ACO1: variants seen among roughly 807,000 people sequenced by gnomAD.
ACO1 encodes the protein aconitase 1.
Under a neutral mutation model 105.1 loss-of-function variants are expected in ACO1, and 78 were observed. The ratio of observed to expected loss-of-function variants is 0.74; its 90% CI spans 0.62 to 0.90. The LOEUF is 0.90. Ranked by LOEUF, ACO1 falls within the 40% of genes least tolerant of loss-of-function variation. The pLI is 0.00. For synonymous variants in ACO1, 364 were observed against 397.4 expected (o/e 0.92, Z 1.00); for missense variants, 965 against 1,111.1 (o/e 0.87, Z 1.87).
At position 32,407,440 on chromosome 9, in the gene ACO1, T is replaced by A. The variant is rs1791585713; in HGVS notation, c.266+11T>A. 6 of 1,608,004 alleles carry A rather than the reference T, an allele frequency of 3.7e-6. No homozygotes were observed. The highest frequency in any genetic ancestry group is 5.1e-6 in the Non-Finnish European group (6 of 1,175,370). The stretch of plus-strand genomic sequence containing the variant: ...CCTGCAGGACTTTACGTGAGCCTAA[T>A]GTCACTTCACTCTCCTTTGCCTCCC... On this transcript the variant is annotated intron_variant, in intron 3 of 20. Coordinates refer to ENST00000309951, the MANE Select transcript of ACO1 (RefSeq NM_002197.3).
intron 1 of ACO1, among the ~76,000 whole-genome samples, chr9:32,395,940 C>G (rs984163624): frequency 6.6e-6 from 1 of 152,196 alleles, no homozygotes; most frequent in African/African-American, 2.4e-5. Flanking sequence ...TGTTCTGCCC[C>G]CTCTTGGCCA....
Position 32,432,921 on chromosome 9 carries a change from CAT to C in ACO1, c.1852-806_1852-805del, listed in dbSNP as rs560267869. Among the ~76,000 whole-genome samples the C allele has an allele frequency of 1.2e-4, 19 of 152,298 alleles. No homozygotes were observed. The South Asian group carries it at 2.9e-3, about 23-fold the overall frequency. On this transcript the variant is annotated intron_variant, in intron 15 of 20. Transcript: ENST00000309951. Reference sequence around the variant, plus strand: ...GGAGGAGGGTCCACTTAGGCTCACTCATGTGGCTATTGGCAGGATCAAGTTCC... The same window carrying C: ...GGAGGAGGGTCCACTTAGGCTCACTCGTGGCTATTGGCAGGATCAAGTTCC...
At chr9:32,414,617 C>G (rs182255294) in intron 4 of ACO1, among the ~76,000 whole-genome samples, 1 of 152,148 alleles carries the variant, frequency 6.6e-6, no homozygotes, top group Non-Finnish European at 1.5e-5. Context: ...AACATTCCTC[C>G]GTCAATCATC....
intron 4 of ACO1, among the ~76,000 whole-genome samples, chr9:32,413,344 C>CA (rs1821781632): frequency 2.0e-5 from 3 of 151,982 alleles, no homozygotes; most frequent in African/African-American, 7.2e-5. Flanking sequence ...ATTAGCCGGG[C>CA]ATGGTGGTGC....
chr9:32,419,341 G>A (rs1011022898), intron 7 of ACO1, among the ~76,000 whole-genome samples, 164 bp downstream of exon 7: 17 of 152,230 alleles, frequency 1.1e-4, no homozygotes, highest in African/African-American at 3.1e-4. Flanking sequence ...AGTGTTCTAT[G>A]TTAAGTTTAG....
chr9:32,395,794 C>T (rs1358626067), intron 1 of ACO1, among the ~76,000 whole-genome samples: 1 of 152,174 alleles, frequency 6.6e-6, no homozygotes, highest in Non-Finnish European at 1.5e-5. Flanking sequence ...AGACTTTTTA[C>T]GAAACTCTGG....
At position 32,401,088 on chromosome 9, in the gene ACO1, A is replaced by G. The variant is rs61579572; in HGVS notation, c.-22-4397A>G. 1.8e-3 allele frequency among the ~76,000 whole-genome samples: 273 copies of G among 152,274 alleles called. 2 individuals are homozygous for G. Among genetic ancestry groups the G allele is most frequent in the African/African-American group, 6.3e-3 (263 of 41,566 alleles). On this transcript the variant is annotated intron_variant, in intron 1 of 20. Transcript: ENST00000309951. ...ATCTGAGTAAGGGATTGTATACGCAATATTATATCAGGAAAATTGATTTGC... is the reference window on the plus strand; with the variant it reads ...ATCTGAGTAAGGGATTGTATACGCAGTATTATATCAGGAAAATTGATTTGC...
intron 4 of ACO1, among the ~76,000 whole-genome samples, chr9:32,410,389 T>C (rs1821712630): frequency 6.6e-6 from 1 of 151,890 alleles, no homozygotes; most frequent in African/African-American, 2.4e-5. Context: ...AAACCCCATC[T>C]CTACTAAAAA....
Position 32,398,800 on chromosome 9 carries a change from G to T in ACO1, c.-22-6685G>T, listed in dbSNP as rs7033829. 9.3e-3 allele frequency among the ~76,000 whole-genome samples: 1,418 copies of T among 152,058 alleles called. 22 individuals carry two copies. Among genetic ancestry groups the T allele is most frequent in the African/African-American group, 0.032 (1,339 of 41,446 alleles). On this transcript the variant is annotated intron_variant, in intron 1 of 20. Transcript: ENST00000309951. The stretch of plus-strand genomic sequence containing the variant: ...TGTAGAGACATGGTCTCGCTATGTT[G>T]CCCAGGCTGGTCTCAAACTCCTGGG...
intron 7 of ACO1, among the ~76,000 whole-genome samples, chr9:32,419,761 A>C (rs1169676512): frequency 6.6e-6 from 1 of 152,238 alleles, no homozygotes; most frequent in South Asian, 2.1e-4. Context: ...TATGTCACCA[A>C]GCTGGAAAGT....
chr9:32,418,102 A>T, intron 4 of ACO1, 26 bp from the exon 5 acceptor site: 1 of 1,607,546 alleles, frequency 6.2e-7, no homozygotes. Flanking sequence ...CTCAAATTGT[A>T]TACATTTAAT....
intron 11 of ACO1, among the ~76,000 whole-genome samples, chr9:32,426,556 A>T (rs1587541229): frequency 6.6e-6 from 1 of 152,356 alleles, no homozygotes; most frequent in South Asian, 2.1e-4. Flanking sequence ...TCCACAGACC[A>T]GACAGTGTCA....
chr9:32,437,389 T>C (rs1350433340), intron 18 of ACO1, among the ~76,000 whole-genome samples: 1 of 152,074 alleles, frequency 6.6e-6, no homozygotes, highest in African/African-American at 2.4e-5. Context: ...TAACTGATTA[T>C]ATTTTTGTAA....
At position 32,416,371 on chromosome 9, in the gene ACO1, G is replaced by A. The variant is rs572755492; in HGVS notation, c.405-1757G>A. ...GCCTCCCAAAGTGCTGGGATTACAGGTGCGAGCTACTGTGCCCGGCTCCAG... is the reference window on the plus strand; with the variant it reads ...GCCTCCCAAAGTGCTGGGATTACAGATGCGAGCTACTGTGCCCGGCTCCAG... On this transcript the variant is annotated intron_variant, in intron 4 of 20. Transcript: ENST00000309951. 5.7e-4 allele frequency among the ~76,000 whole-genome samples: 87 copies of A among 152,216 alleles called. 2 individuals carry two copies. The South Asian group carries it at 8.9e-3, about 16-fold the overall frequency.
At chr9:32,429,307 CA>C in intron 12 of ACO1, 111 bp from the exon 13 acceptor site, 1 of 865,866 alleles carries the variant, frequency 1.2e-6, no homozygotes, top group East Asian at 2.4e-5. Context: ...GAACTTAGTT[CA>C]TGCACTGCAA....
chr9:32,446,699 G>A (rs914661499), intron 19 of ACO1, among the ~76,000 whole-genome samples: 1 of 152,252 alleles, frequency 6.6e-6, no homozygotes, highest in South Asian at 2.1e-4. Context: ...TTACAATTTG[G>A]TATGTTTCTG....
At chr9:32,419,017 C>G in intron 6 of ACO1, 21 bp from the exon 7 acceptor site, 1 of 1,559,244 alleles carries the variant, frequency 6.4e-7, no homozygotes. Context: ...GGCATTCTTC[C>G]GGTCATGCCG....
At chr9:32,418,250 A>T in intron 5 of ACO1, 53 bp downstream of exon 5, 1 of 1,612,600 alleles carries the variant, frequency 6.2e-7, no homozygotes. Flanking sequence ...GCAGGGTACG[A>T]GGGAGAGATG....
At chr9:32,411,032 A>G (rs1334872924) in intron 4 of ACO1, among the ~76,000 whole-genome samples, 3 of 152,160 alleles carry the variant, frequency 2.0e-5, no homozygotes, top group Admixed American at 6.5e-5. Context: ...CAAGGGGGCA[A>G]GTGAAAACAC....
Sources: gnomAD v4.1 joint callset for allele counts (sites outside exome capture counted in the v4.1 genomes callset) on GRCh38, gnomAD v4.1.1 for gene constraint, MANE v1.5 for transcripts, NCBI Gene and HGNC (gene_info 2026-07-23, HGNC 2026-07-21) for gene names.